Variants in JARID2 observed in about 807,000 individuals in gnomAD.
JARID2 encodes protein Jumonji.
In JARID2, 21 loss-of-function variants were observed where a neutral mutation model predicts 125.6. That is an observed-to-expected ratio of 0.17 (90% CI 0.12 to 0.24). The LOEUF (loss-of-function observed/expected upper bound fraction) is 0.24, where lower values mean the gene tolerates loss of function less well. Ranked by LOEUF, JARID2 falls within the 10% of genes least tolerant of loss-of-function variation. The pLI, the probability that JARID2 is intolerant of heterozygous loss-of-function variation, is 1.00. For missense variants in JARID2, 1,303 were observed against 1,639.6 expected, an observed-to-expected ratio of 0.79 and a Z score of 3.55; for synonymous variants, 736 against 661.6, an observed-to-expected ratio of 1.11 and a Z score of -1.73.
At chr6:15,282,664 G>A (rs1467033037) in intron 1 of JARID2, among the ~76,000 whole-genome samples, 1 of 151,870 alleles carries the variant, frequency 6.6e-6, no homozygotes, top group Non-Finnish European at 1.5e-5. Context: ...AAGTGCAATG[G>A]CGAGATCTCA....
intron 1 of JARID2, among the ~76,000 whole-genome samples, chr6:15,266,567 T>G (rs1378561653): frequency 6.6e-6 from 1 of 152,200 alleles, no homozygotes; most frequent in Non-Finnish European, 1.5e-5. Flanking sequence ...TCAACGTGTT[T>G]CTCCTGGCTA....
chr6:15,482,385 A>T (rs891839552), intron 5 of JARID2, among the ~76,000 whole-genome samples: 2 of 152,232 alleles, frequency 1.3e-5, no homozygotes, highest in South Asian at 2.1e-4. Flanking sequence ...TTTAATTCTC[A>T]TATCTACCAT....
chr6:15,384,234 G>T (rs1450347348), intron 2 of JARID2, among the ~76,000 whole-genome samples: 1 of 152,142 alleles, frequency 6.6e-6, no homozygotes, highest in East Asian at 1.9e-4. Flanking sequence ...CCACAGGTGG[G>T]TGCCACCACG....
At chr6:15,355,139 G>A (rs1763555266) in intron 1 of JARID2, among the ~76,000 whole-genome samples, 1 of 152,200 alleles carries the variant, frequency 6.6e-6, no homozygotes, top group South Asian at 2.1e-4. Flanking sequence ...ATTCTGCCCT[G>A]TGTGAGGTCT....
chr6:15,350,189 A>T lies in JARID2; in HGVS notation c.46-23928A>T, dbSNP rs537639884. On this transcript the variant is annotated intron_variant, in intron 1 of 17. Coordinates refer to ENST00000341776, the MANE Select transcript of JARID2 (RefSeq NM_004973.4). ...CTGTGACCTGAGGCATACATCAGTA[A>T]CGTCACAGAATCATGATCAGAAAGG... is the stretch of plus-strand genomic sequence containing the variant. 1.5e-4 allele frequency among the ~76,000 whole-genome samples: 23 copies of T among 152,312 alleles called. No homozygotes were observed. The East Asian group carries it at 4.2e-3, about 28-fold the overall frequency.
At chr6:15,335,337 C>T (rs1277550741) in intron 1 of JARID2, among the ~76,000 whole-genome samples, 1 of 152,202 alleles carries the variant, frequency 6.6e-6, no homozygotes, top group Middle Eastern at 3.4e-3. Flanking sequence ...AGGCCTCAAG[C>T]GATCTGCCCA....
intron 1 of JARID2, among the ~76,000 whole-genome samples, chr6:15,330,117 T>C (rs1762658759): frequency 6.6e-6 from 1 of 152,232 alleles, no homozygotes; most frequent in Non-Finnish European, 1.5e-5. Flanking sequence ...TTGTATTCTT[T>C]CCTTTCCTCT....
chr6:15,247,585 G>C (rs1759234035), intron 1 of JARID2: 1 of 983,634 alleles, frequency 1.0e-6, no homozygotes, highest in Non-Finnish European at 1.2e-6. Flanking sequence ...ATAATGCAAC[G>C]TAAGAGGAAA....
chr6:15,270,133 C>T (rs6901438), intron 1 of JARID2, among the ~76,000 whole-genome samples: 16,647 of 152,080 alleles, frequency 0.11, 963 homozygotes, highest in East Asian at 0.15. Context: ...TCCATCTGTC[C>T]GTCCGTCCTT....
intron 2 of JARID2, among the ~76,000 whole-genome samples, chr6:15,384,705 A>T (rs990205154): frequency 3.3e-5 from 5 of 151,876 alleles, no homozygotes; most frequent in African/African-American, 1.2e-4. Flanking sequence ...ATCCCGCCCC[A>T]ACCCCCCGAA....
At chr6:15,444,604 A>G (rs1168270403) in intron 3 of JARID2, among the ~76,000 whole-genome samples, 1 of 150,568 alleles carries the variant, frequency 6.6e-6, no homozygotes, top group Non-Finnish European at 1.5e-5. Flanking sequence ...GGGGATGGAA[A>G]CACAGGAAAT....
rs369963351 is a variant in JARID2, at chr6:15,494,804, C to T, written c.907-1328C>T. 2.6e-5 allele frequency among the ~76,000 whole-genome samples: 4 copies of T among 152,272 alleles called. 1 individual carries two copies. The highest frequency in any genetic ancestry group is 9.6e-5 in the African/African-American group (4 of 41,546). On this transcript the variant is annotated intron_variant, in intron 6 of 17. Transcript: ENST00000341776. ...TACCCGCCATCTGGGGACCTTCGTC[C>T]CCATGTGACAGCAGCCTGCACAGCC... is the stretch of plus-strand genomic sequence containing the variant.
At chr6:15,256,698 C>G (rs1759679183) in intron 1 of JARID2, among the ~76,000 whole-genome samples, 1 of 152,170 alleles carries the variant, frequency 6.6e-6, no homozygotes. Context: ...AAGCCTGTCA[C>G]CCTGTTCACC....
At chr6:15,381,880 A>G (rs533339192) in intron 2 of JARID2, among the ~76,000 whole-genome samples, 3 of 152,382 alleles carry the variant, frequency 2.0e-5, no homozygotes, top group Non-Finnish European at 2.9e-5. Context: ...AGTGCTTCCA[A>G]TGATGAATGT....
In JARID2 at chr6:15,496,775, C is replaced by T. The variant is rs762009475; in HGVS notation, c.1550C>T (p.Ala517Val). Reference protein sequence around the residue: ...STPGRQAHGKADSASCENRST... With the variant: ...STPGRQAHGKVDSASCENRST... ...CCAGGCAGACAAGCACATGGCAAGG[C>T]GGACAGCGCCTCCTGTGAAAATCGT... Residue 517 changes from alanine (A) to valine (V), a missense_variant, in exon 7 of 18, where the codon GCG becomes GTG. By Grantham distance (64) the Ala-to-Val change is moderately conservative. Coordinates refer to ENST00000341776, the MANE Select transcript of JARID2 (RefSeq NM_004973.4). 57 of 1,612,504 alleles carry T rather than the reference C, an allele frequency of 3.5e-5. No individual in the cohort carries two copies. The highest frequency in any genetic ancestry group is 1.6e-4 in the Middle Eastern group (1 of 6,076).
intron 1 of JARID2, among the ~76,000 whole-genome samples, chr6:15,249,557 C>G (rs1384066149): frequency 6.6e-6 from 1 of 152,200 alleles, no homozygotes; most frequent in Non-Finnish European, 1.5e-5. Context: ...TGCCACTTAA[C>G]TAAGTCACTG....
intron 1 of JARID2, among the ~76,000 whole-genome samples, chr6:15,371,219 T>C (rs1276419632): frequency 1.3e-5 from 2 of 152,220 alleles, no homozygotes; most frequent in Non-Finnish European, 2.9e-5. Flanking sequence ...ACATTAGTTG[T>C]AGGGGAATAA....
chr6:15,453,748 G>T (rs1481855556), intron 4 of JARID2, among the ~76,000 whole-genome samples: 2 of 152,164 alleles, frequency 1.3e-5, no homozygotes, highest in African/African-American at 4.8e-5. Context: ...ATCCTCATCA[G>T]GCTGGCTTTT....
intron 2 of JARID2, among the ~76,000 whole-genome samples, chr6:15,398,009 A>G (rs1165217733): frequency 1.3e-5 from 2 of 152,234 alleles, no homozygotes; most frequent in African/African-American, 4.8e-5. Context: ...ATAATAAGCA[A>G]GGCCACGGAT....
Sources: allele counts gnomAD v4.1 joint callset (sites outside exome capture counted in the v4.1 genomes callset), GRCh38; gene constraint gnomAD v4.1.1; transcripts MANE v1.5; gene names NCBI Gene and HGNC (gene_info 2026-07-23, HGNC 2026-07-21).